The following KCNH1 variants were observed in gnomAD, a reference collection of about 807,000 sequenced individuals.
KCNH1 encodes the protein potassium voltage-gated channel subfamily H member 1.
Under a neutral mutation model 69.2 loss-of-function variants are expected in KCNH1, and 27 were observed. The ratio of observed to expected loss-of-function variants is 0.39; its 90% confidence interval spans 0.29 to 0.54. The LOEUF is 0.54. Among genes scored for constraint, KCNH1 ranks in the 20% least tolerant of loss-of-function variants. KCNH1 has a pLI of 0.68. For missense variants in KCNH1, 798 were observed against 1,261.6 expected, an observed-to-expected ratio of 0.63 and a Z score of 5.57; for synonymous variants, 456 against 487.7, an observed-to-expected ratio of 0.93 and a Z score of 0.86.
intron 7 of KCNH1, among the ~76,000 whole-genome samples, chr1:210,886,427 C>T (rs112233379): frequency 3.9e-5 from 6 of 152,192 alleles, no homozygotes; most frequent in African/African-American, 1.2e-4. Flanking sequence ...GAAAAACCCA[C>T]GAAGATGAGG....
intron 10 of KCNH1, among the ~76,000 whole-genome samples, chr1:210,734,058 G>C (rs796411353): frequency 3.9e-5 from 6 of 152,028 alleles, no homozygotes; most frequent in African/African-American, 1.4e-4. Context: ...TGATGGCTCT[G>C]TCCATGGTTC....
chr1:211,026,142 A>G (rs1196440950), intron 5 of KCNH1, among the ~76,000 whole-genome samples: 1 of 152,146 alleles, frequency 6.6e-6, no homozygotes, highest in African/African-American at 2.4e-5. Context: ...TCAGATTTCC[A>G]TTTCTGGAAA....
chr1:210,914,205 G>T (rs1043088606), intron 7 of KCNH1, among the ~76,000 whole-genome samples: 1 of 152,006 alleles, frequency 6.6e-6, no homozygotes. Context: ...CACCAAAGAC[G>T]CCTTCCAAAA....
intron 10 of KCNH1, among the ~76,000 whole-genome samples, chr1:210,714,162 G>C (rs922492655): frequency 6.6e-6 from 1 of 152,176 alleles, no homozygotes; most frequent in Non-Finnish European, 1.5e-5. Flanking sequence ...CTGTAGACTT[G>C]CATGTGGACT....
intron 10 of KCNH1, among the ~76,000 whole-genome samples, chr1:210,740,163 C>T (rs1290096165): frequency 3.3e-5 from 5 of 152,124 alleles, no homozygotes; most frequent in Non-Finnish European, 7.4e-5. Flanking sequence ...CAGGAGGGCA[C>T]AGACAGATAA....
intron 9 of KCNH1, among the ~76,000 whole-genome samples, chr1:210,789,132 C>A (rs2102389933): frequency 6.6e-6 from 1 of 152,250 alleles, no homozygotes; most frequent in Non-Finnish European, 1.5e-5. Flanking sequence ...CATGAGCAAA[C>A]AACATTATTA....
At chr1:210,722,438 A>G (rs891398522) in intron 10 of KCNH1, among the ~76,000 whole-genome samples, 5 of 152,118 alleles carry the variant, frequency 3.3e-5, no homozygotes, top group Admixed American at 3.3e-4. Flanking sequence ...AGCCCACTGC[A>G]TAGCCAGGGA....
chr1:211,038,673 C>T (rs928215408), intron 5 of KCNH1, among the ~76,000 whole-genome samples: 1 of 152,116 alleles, frequency 6.6e-6, no homozygotes, highest in African/African-American at 2.4e-5. Context: ...GCAAAGGTGA[C>T]TCTTGTTATG....
intron 6 of KCNH1, among the ~76,000 whole-genome samples, chr1:210,998,545 TC>T (rs1404705104): frequency 2.0e-5 from 3 of 152,054 alleles, no homozygotes; most frequent in Non-Finnish European, 4.4e-5. Context: ...AGACTTAGAC[TC>T]CCACACGATA....
At chr1:210,773,341 C>A (rs185791921) in intron 10 of KCNH1, among the ~76,000 whole-genome samples, 1 of 152,256 alleles carries the variant, frequency 6.6e-6, no homozygotes, top group East Asian at 1.9e-4. Context: ...GAAGTTGAGG[C>A]CCAGAGTTGA....
chr1:210,901,860 G>C (rs1687001438), intron 7 of KCNH1, among the ~76,000 whole-genome samples: 2 of 152,218 alleles, frequency 1.3e-5, no homozygotes, highest in South Asian at 4.1e-4. Context: ...TGGATACTGA[G>C]CTTCTTGGGG....
rs963240675 is a variant in KCNH1, at chr1:210,892,887, G to C, written c.1462+26753C>G. Among the ~76,000 whole-genome samples, 7 of 152,240 alleles carry C rather than the reference G, an allele frequency of 4.6e-5. 1 individual carries two copies. In the South Asian group the frequency reaches 1.5e-3, roughly 32 times the overall value. On this transcript the variant is annotated intron_variant, in intron 7 of 10. Transcript: ENST00000271751. Reference sequence around the variant, plus strand: ...CCAGTTATCAGTATATATAGTCCCTGCCCTAAAGCTCATAAATTCCTAGAA... The same window carrying C: ...CCAGTTATCAGTATATATAGTCCCTCCCCTAAAGCTCATAAATTCCTAGAA...
At chr1:210,963,328 G>A (rs764000393) in intron 6 of KCNH1, among the ~76,000 whole-genome samples, 1 of 152,090 alleles carries the variant, frequency 6.6e-6, no homozygotes, top group Non-Finnish European at 1.5e-5. Flanking sequence ...CGAAGATGGG[G>A]AGAAATCAGT....
chr1:211,007,400 C>T (rs148839163), intron 6 of KCNH1, among the ~76,000 whole-genome samples: 1 of 152,294 alleles, frequency 6.6e-6, no homozygotes, highest in Non-Finnish European at 1.5e-5. Context: ...AATGGCCAAG[C>T]TATTTTTCAC....
At chr1:210,889,419 C>T (rs1416784828) in intron 7 of KCNH1, among the ~76,000 whole-genome samples, 2 of 152,124 alleles carry the variant, frequency 1.3e-5, no homozygotes, top group African/African-American at 2.4e-5. Context: ...ATAATGAGAG[C>T]TATTTATGAC....
At chr1:210,798,905 T>C (rs950253740) in intron 8 of KCNH1, among the ~76,000 whole-genome samples, 2 of 152,206 alleles carry the variant, frequency 1.3e-5, no homozygotes, top group East Asian at 3.8e-4. Context: ...TGCTAAACAC[T>C]TTAGAATCAT....
chr1:211,011,881 C>G (rs763084370), intron 6 of KCNH1, among the ~76,000 whole-genome samples: 5 of 152,200 alleles, frequency 3.3e-5, no homozygotes, highest in Admixed American at 6.5e-5. Flanking sequence ...AGGAGAAAGA[C>G]TGATAAAATA....
At chr1:210,833,738 T>C (rs1685219523) in intron 7 of KCNH1, among the ~76,000 whole-genome samples, 1 of 151,742 alleles carries the variant, frequency 6.6e-6, no homozygotes, top group Admixed American at 6.6e-5. Flanking sequence ...ACCATTAGAG[T>C]GAACAGGCAA....
rs903849206 is a variant in KCNH1, at chr1:210,862,260, C to T, written c.1462+57380G>A. 5.8e-6 allele frequency: 6 copies of T among 1,042,078 alleles called. No individual in the cohort carries two copies. The South Asian group carries it at 7.7e-5, about 13-fold the overall frequency. The allele number at this position is 1,042,078 out of a possible 1,614,324, so 64.6% of individuals were successfully genotyped here. A position where few individuals can be genotyped will look rare whatever the true frequency, so the allele number is the denominator to read the frequency against. ...CTGGGTCCATGGTGCCCCGCAGGGC[C>T]TCGATAATGGTGTTGGGGTCCATTG... On this transcript the variant is annotated intron_variant, in intron 7 of 10. Coordinates refer to ENST00000271751, the MANE Select transcript of KCNH1 (RefSeq NM_172362.3).
Sources: allele counts gnomAD v4.1 joint callset (sites outside exome capture counted in the v4.1 genomes callset), GRCh38; gene constraint gnomAD v4.1.1; transcripts MANE v1.5; gene names NCBI Gene and HGNC (gene_info 2026-07-23, HGNC 2026-07-21).